Variants in EBF4 observed in about 807,000 individuals in gnomAD.
EBF4 encodes EBF transcription factor 4.
A neutral mutation model predicts 67.1 loss-of-function variants in EBF4; 34 were observed. The observed-to-expected ratio is 0.51, with a 90% CI of 0.39 to 0.67. EBF4 has a LOEUF of 0.67. Ranked by LOEUF, EBF4 falls within the 30% of genes least tolerant of loss-of-function variation. The pLI is 0.00. For missense variants in EBF4, 837 were observed against 873.3 expected (o/e 0.96, Z 0.52); for synonymous variants, 387 against 377.7 (o/e 1.02, Z -0.29).
intron 6 of EBF4, among the ~76,000 whole-genome samples, chr20:2,733,409 C>G (rs557851418): frequency 1.3e-5 from 2 of 152,148 alleles, no homozygotes; most frequent in South Asian, 2.1e-4. Context: ...GTTCATACTA[C>G]TTGGAGTTTA....
chr20:2,729,571 G>T (rs372444084), intron 6 of EBF4, among the ~76,000 whole-genome samples: 1 of 152,052 alleles, frequency 6.6e-6, no homozygotes, highest in African/African-American at 2.4e-5. Flanking sequence ...CCATTGAGAT[G>T]GGGGGAGCTA....
chr20:2,720,052 T>G (rs977359811), intron 6 of EBF4, among the ~76,000 whole-genome samples: 1 of 152,230 alleles, frequency 6.6e-6, no homozygotes, highest in Non-Finnish European at 1.5e-5. Context: ...CTTCATATAA[T>G]TTGAAAATTC....
chr20:2,737,225 G>A (rs2087899489), intron 6 of EBF4, among the ~76,000 whole-genome samples: 2 of 149,028 alleles, frequency 1.3e-5, no homozygotes, highest in African/African-American at 2.5e-5. Flanking sequence ...ACTCCAGCTT[G>A]GGTAACAGGA....
rs931296094 is a variant in EBF4 at position 2,758,677 on chromosome 20, G to A, written c.1739-232G>A. 3.9e-5 allele frequency among the ~76,000 whole-genome samples: 6 copies of A among 152,304 alleles called. 1 individual carries two copies. Among genetic ancestry groups the A allele is most frequent in the African/African-American group, 1.2e-4 (5 of 41,566 alleles). On this transcript the variant is annotated intron_variant, in intron 15 of 16. Transcript: ENST00000609451. ...ACCCTGGGAGAAGGAGCCTGGGGTCGTCTCTCTCTTGAGGGAGGTAGGGAG... is the reference window on the plus strand; with the variant it reads ...ACCCTGGGAGAAGGAGCCTGGGGTCATCTCTCTCTTGAGGGAGGTAGGGAG...
intron 6 of EBF4, among the ~76,000 whole-genome samples, chr20:2,717,417 G>A (rs1178584043): frequency 2.0e-5 from 3 of 152,174 alleles, no homozygotes; most frequent in South Asian, 2.1e-4. Flanking sequence ...TTAGGATTGG[G>A]GGAATGTACA....
At chr20:2,715,673 C>T (rs991798712) in intron 6 of EBF4, among the ~76,000 whole-genome samples, 3 of 152,186 alleles carry the variant, frequency 2.0e-5, no homozygotes, top group Non-Finnish European at 4.4e-5. Flanking sequence ...GTGTACAGGG[C>T]ATTTTGTGAT....
rs144490696 is a variant in EBF4, at chr20:2,707,411, C to T, written c.415-536C>T. On this transcript the variant is annotated intron_variant, in intron 4 of 16. Coordinates refer to ENST00000609451, the Ensembl canonical transcript of EBF4. This position sits in a 1 kb window ranked among gnomAD's most constrained non-coding sequence, Gnocchi z 4.6. The stretch of plus-strand genomic sequence containing the variant: ...TGATGCAGCAGTCCCAGGGGAAGAC[C>T]GAGCCTGGGCTAGGGATGGTATGGG... Among the ~76,000 whole-genome samples, 128 of 152,114 alleles carry T rather than the reference C, an allele frequency of 8.4e-4. No individual in the cohort carries two copies. The East Asian group carries it at 0.015, about 18-fold the overall frequency.
chr20:2,753,319 G>A (rs906054348), intron 14 of EBF4, among the ~76,000 whole-genome samples: 10 of 152,142 alleles, frequency 6.6e-5, no homozygotes, highest in African/African-American at 2.4e-4. Context: ...CTCAGAGCTG[G>A]GTGGACAGGC....
At chr20:2,718,313 G>C (rs2087637560) in intron 6 of EBF4, among the ~76,000 whole-genome samples, 1 of 152,100 alleles carries the variant, frequency 6.6e-6, no homozygotes, top group Non-Finnish European at 1.5e-5. Flanking sequence ...TGAATTGATT[G>C]GGAAGCATTT....
chr20:2,746,889 TA>T (rs2088058160), intron 6 of EBF4, among the ~76,000 whole-genome samples: 2 of 152,198 alleles, frequency 1.3e-5, no homozygotes, highest in Admixed American at 1.3e-4. Context: ...TATCAGGACC[TA>T]CTGCAGACGT....
At chr20:2,746,176 G>C (rs956371221) in intron 6 of EBF4, among the ~76,000 whole-genome samples, 1 of 152,128 alleles carries the variant, frequency 6.6e-6, no homozygotes, top group African/African-American at 2.4e-5. Context: ...GGTGTCATAA[G>C]GGGTGTAGGG....
In EBF4 at chr20:2,706,280, G is replaced by C. The variant is rs1464977492; in HGVS notation, c.414+16G>C. 6.4e-7 allele frequency: 1 copy of C among 1,551,624 alleles called. No homozygotes were observed. The highest frequency in any genetic ancestry group is 8.7e-7 in the Non-Finnish European group (1 of 1,147,028). On this transcript the variant is annotated intron_variant, in intron 4 of 16. Coordinates refer to ENST00000609451, the Ensembl canonical transcript of EBF4. ...GTCCAAACAGGTGAGTCAGCGCAGA[G>C]GGTGCTGAGGCCCATCTCACTCTCT...
chr20:2,755,833 T>A lies in EBF4; in HGVS notation c.1738+9T>A. The A allele has an allele frequency of 1.3e-6, 2 of 1,544,668 alleles. No individual in the cohort carries two copies. Among genetic ancestry groups the A allele is most frequent in the Non-Finnish European group, 1.7e-6 (2 of 1,146,386 alleles). ...CGGAGAGGGGCTTCCAGGTGAGTGA[T>A]CCACCCTGCCTCACTGTGGCAGGAA... On this transcript the variant is annotated intron_variant, in intron 15 of 16. Transcript: ENST00000609451. The surrounding 1 kb of genome is among the most constrained non-coding windows in gnomAD (Gnocchi z 4.7).
rs1190938522 is a variant in EBF4, at chr20:2,749,564, C to A, written c.757+46C>A. 6 of 1,538,558 alleles carry A rather than the reference C, an allele frequency of 3.9e-6. No homozygotes were observed. In the East Asian group the frequency reaches 1.2e-4, roughly 32 times the overall value. The stretch of plus-strand genomic sequence containing the variant: ...CCCGGCCGCCGCGGGCCCAGCCAGC[C>A]CCCCAGGCCCCACCTCAGCGCGGTC... On this transcript the variant is annotated intron_variant, in intron 8 of 16. Coordinates refer to ENST00000609451, the Ensembl canonical transcript of EBF4.
At chr20:2,723,572 A>G (rs1373779538) in intron 6 of EBF4, among the ~76,000 whole-genome samples, 1 of 151,918 alleles carries the variant, frequency 6.6e-6, no homozygotes, top group Non-Finnish European at 1.5e-5. Context: ...GATGGTCTCC[A>G]TCTCCTGACC....
At chr20:2,759,661 C>T (rs987345010), downstream of EBF4, 1 of 152,490 alleles carries the variant, frequency 6.6e-6, no homozygotes, top group African/African-American at 2.4e-5. Flanking sequence ...GGAGAAGTGA[C>T]CTGGAAAGGT....
At chr20:2,748,850 C>T (rs1205698144) in intron 7 of EBF4, among the ~76,000 whole-genome samples, 1 of 152,248 alleles carries the variant, frequency 6.6e-6, no homozygotes, top group Admixed American at 6.5e-5. Flanking sequence ...ATTAGAGTCC[C>T]ACTTAAGAAG....
At chr20:2,750,319 ATGT>A (rs1158221587) in intron 10 of EBF4, among the ~76,000 whole-genome samples, 1 of 151,638 alleles carries the variant, frequency 6.6e-6, no homozygotes, top group East Asian at 1.9e-4. Flanking sequence ...CTCCAAAGGG[ATGT>A]TTATTCCAAA....
chr20:2,752,146 C>T (rs530841663), exon 13 of EBF4: 2 of 1,448,990 alleles, frequency 1.4e-6, no homozygotes, highest in Middle Eastern at 2.3e-4. Context: ...CCCCCGCGCA[C>T]CCGGGCCGCT....
Sources: allele counts gnomAD v4.1 joint callset (sites outside exome capture counted in the v4.1 genomes callset), GRCh38; gene constraint gnomAD v4.1.1; non-coding constraint Gnocchi (gnomAD v3.1); transcripts MANE v1.5; gene names NCBI Gene and HGNC (gene_info 2026-07-23, HGNC 2026-07-21).